The following PDE7B variants were observed in gnomAD, a reference collection of about 807,000 sequenced individuals.
The protein encoded by PDE7B is 3',5'-cyclic-AMP phosphodiesterase 7B.
PDE7B carries 29 observed loss-of-function variants against 56.2 expected under a neutral mutation model. The ratio of observed to expected loss-of-function variants is 0.52; its 90% CI spans 0.38 to 0.70. The LOEUF (loss-of-function observed/expected upper bound fraction) is 0.70. Among genes scored for constraint, PDE7B ranks in the 30% least tolerant of loss-of-function variants. The pLI, the probability that PDE7B is intolerant of heterozygous loss-of-function variation, is 0.00. For missense variants in PDE7B, 490 were observed against 565.0 expected (o/e 0.87, Z 1.35); for synonymous variants, 197 against 196.9 (o/e 1.00, Z 0.00).
In PDE7B at chr6:135,921,907, A is replaced by T. The variant is rs1199498608; in HGVS notation, c.22-25557A>T. 2.0e-5 allele frequency among the ~76,000 whole-genome samples: 3 copies of T among 152,210 alleles called. No individual in the cohort carries two copies. In the East Asian group the frequency reaches 5.8e-4, roughly 29 times the overall value. ...CCTATCCTTCCCAAAAGCATCCCCA[A>T]AACAATGAAAAATAAAACTTACTGG... On this transcript the variant is annotated intron_variant, in intron 1 of 12. Coordinates refer to ENST00000308191, the MANE Select transcript of PDE7B (RefSeq NM_018945.4).
chr6:136,075,131 CTGGGTGCTTTACCTACTGTCTTCTCT>C (rs1777109132), intron 2 of PDE7B, among the ~76,000 whole-genome samples: 1 of 152,168 alleles, frequency 6.6e-6, no homozygotes, highest in Admixed American at 6.5e-5. Flanking sequence ...GTCTGTCTTT[CTGGGTGCTTTACCTACTGTCTTCTCT>C]TGGGTGCTTT....
At chr6:135,934,326 C>T (rs879783385) in intron 1 of PDE7B, among the ~76,000 whole-genome samples, 2 of 152,054 alleles carry the variant, frequency 1.3e-5, no homozygotes, top group Non-Finnish European at 2.9e-5. Context: ...TAGGTATTCC[C>T]TCCATTTACA....
rs536700224 is a variant in PDE7B, at chr6:135,954,729, A to T, written c.82+7205A>T. 1.2e-4 allele frequency among the ~76,000 whole-genome samples: 19 copies of T among 152,162 alleles called. 1 individual carries two copies. In the South Asian group the frequency reaches 4.0e-3, roughly 32 times the overall value. On this transcript the variant is annotated intron_variant, in intron 2 of 12. Transcript: ENST00000308191. ...TTCTGTTTATGGGAATATACAGAAAATTTTTTCACCTTGAGGGTTATGGTT... is the reference window on the plus strand; with the variant it reads ...TTCTGTTTATGGGAATATACAGAAATTTTTTTCACCTTGAGGGTTATGGTT...
intron 11 of PDE7B, among the ~76,000 whole-genome samples, chr6:136,185,084 A>T (rs1239130802): frequency 1.3e-5 from 2 of 152,136 alleles, no homozygotes; most frequent in African/African-American, 4.8e-5. Flanking sequence ...TCTTAATATT[A>T]TATGGTGTTC....
intron 1 of PDE7B, among the ~76,000 whole-genome samples, chr6:135,940,181 C>G (rs1774485191): frequency 6.6e-6 from 1 of 152,196 alleles, no homozygotes; most frequent in Non-Finnish European, 1.5e-5. Flanking sequence ...AACCAAGGTT[C>G]TGGACTTTGC....
Position 136,171,608 on chromosome 6 carries a change from C to A in PDE7B, c.712-2189C>A, listed in dbSNP as rs1017568689. ...TGTTATGACTATAGTGACATGGTAT[C>A]CATTACTACCTATTTCACTGCTTCA... is the stretch of plus-strand genomic sequence containing the variant. On this transcript the variant is annotated intron_variant, in intron 8 of 12. Transcript: ENST00000308191. 7.2e-5 allele frequency among the ~76,000 whole-genome samples: 11 copies of A among 152,160 alleles called. 1 individual carries two copies. The highest frequency in any genetic ancestry group is 7.2e-4 in the Admixed American group (11 of 15,276).
intron 2 of PDE7B, among the ~76,000 whole-genome samples, chr6:135,996,581 A>G (rs1414517943): frequency 6.6e-6 from 1 of 152,228 alleles, no homozygotes; most frequent in Non-Finnish European, 1.5e-5. Context: ...AGTTTTTCTC[A>G]CATTAACCCA....
At chr6:136,026,521 T>C (rs9321550) in intron 2 of PDE7B, among the ~76,000 whole-genome samples, 18,492 of 152,222 alleles carry the variant, frequency 0.12, 2,224 homozygotes, top group African/African-American at 0.31. Context: ...GACTTAAATG[T>C]TTAGCAGCCA....
chr6:136,124,763 T>C (rs1368373643), intron 3 of PDE7B, among the ~76,000 whole-genome samples: 1 of 152,246 alleles, frequency 6.6e-6, no homozygotes, highest in Non-Finnish European at 1.5e-5. Context: ...ATTGAAGGCA[T>C]TTATTCAAAA....
chr6:135,904,892 G>T (rs924833122), intron 1 of PDE7B, among the ~76,000 whole-genome samples: 2 of 152,108 alleles, frequency 1.3e-5, no homozygotes, highest in Non-Finnish European at 2.9e-5. Flanking sequence ...AAATTGATTT[G>T]CTCTTTGTAA....
chr6:135,926,537 T>C (rs562572563), intron 1 of PDE7B, among the ~76,000 whole-genome samples: 3 of 152,214 alleles, frequency 2.0e-5, no homozygotes, highest in African/African-American at 7.2e-5. Flanking sequence ...TTGGTATCTC[T>C]GTGTCTTTGG....
chr6:136,141,147 C>T (rs1778317582), intron 3 of PDE7B, among the ~76,000 whole-genome samples: 1 of 152,076 alleles, frequency 6.6e-6, no homozygotes, highest in South Asian at 2.1e-4. Context: ...CCCATCAGTA[C>T]CTAATTTATT....
In PDE7B at chr6:136,010,950, A is replaced by G. The variant is rs562092452; in HGVS notation, c.82+63426A>G. ...AAGGGAGGTTCATTCACCTGGGATTATACTTCATGCCGTGTGGGAAATTAC... is the reference window on the plus strand; with the variant it reads ...AAGGGAGGTTCATTCACCTGGGATTGTACTTCATGCCGTGTGGGAAATTAC... On this transcript the variant is annotated intron_variant, in intron 2 of 12. Coordinates refer to ENST00000308191, the MANE Select transcript of PDE7B (RefSeq NM_018945.4). Among the ~76,000 whole-genome samples, 9 of 152,310 alleles carry G rather than the reference A, an allele frequency of 5.9e-5. No individual in the cohort carries two copies. In the East Asian group the frequency reaches 1.7e-3, roughly 29 times the overall value.
chr6:135,899,590 T>A (rs1251285690), intron 1 of PDE7B, among the ~76,000 whole-genome samples: 1 of 151,920 alleles, frequency 6.6e-6, no homozygotes, highest in African/African-American at 2.4e-5. Flanking sequence ...TTTTCCATAT[T>A]GCCTGTTTAT....
intron 9 of PDE7B, among the ~76,000 whole-genome samples, chr6:136,176,754 A>C (rs1206989535): frequency 6.6e-6 from 1 of 152,164 alleles, no homozygotes; most frequent in African/African-American, 2.4e-5. Context: ...CTCCCTAACA[A>C]AGAATGAGGG....
At chr6:136,159,337 T>C (rs1391269154) in intron 8 of PDE7B, among the ~76,000 whole-genome samples, 4 of 152,166 alleles carry the variant, frequency 2.6e-5, no homozygotes, top group African/African-American at 9.7e-5. Flanking sequence ...GCTAAAATTA[T>C]AAAAGGAGCC....
chr6:135,879,232 G>C lies in PDE7B; in HGVS notation c.21+27213G>C, dbSNP rs184932387. Among the ~76,000 whole-genome samples the C allele has an allele frequency of 2.6e-5, 4 of 152,182 alleles. No homozygotes were observed. In the East Asian group the frequency reaches 7.7e-4, roughly 29 times the overall value. Reference sequence around the variant, plus strand: ...AAGAAGCCTTTTATTGCTTCAAAGAGTATCATATTAAATATAAAATATTTT... The same window carrying C: ...AAGAAGCCTTTTATTGCTTCAAAGACTATCATATTAAATATAAAATATTTT... On this transcript the variant is annotated intron_variant, in intron 1 of 12. Coordinates refer to ENST00000308191, the MANE Select transcript of PDE7B (RefSeq NM_018945.4).
At chr6:135,909,318 A>G (rs1001350657) in intron 1 of PDE7B, among the ~76,000 whole-genome samples, 7 of 152,136 alleles carry the variant, frequency 4.6e-5, no homozygotes, top group Non-Finnish European at 8.8e-5. Context: ...CTCTCTGATC[A>G]TTCTTTAAAT....
chr6:136,160,357 TTC>T (rs1473693862), intron 8 of PDE7B, among the ~76,000 whole-genome samples: 1 of 152,144 alleles, frequency 6.6e-6, no homozygotes, highest in Non-Finnish European at 1.5e-5. Flanking sequence ...GATGCTTTTC[TTC>T]TTTTTCTCAG....
Sources: gnomAD v4.1 joint callset for allele counts (sites outside exome capture counted in the v4.1 genomes callset) on GRCh38, gnomAD v4.1.1 for gene constraint, MANE v1.5 for transcripts, NCBI Gene and HGNC (gene_info 2026-07-23, HGNC 2026-07-21) for gene names.